RAP1A: variants seen among roughly 807,000 people sequenced by gnomAD.
The protein encoded by RAP1A is RAP1A, member of RAS oncogene family.
A neutral mutation model predicts 26.4 loss-of-function variants in RAP1A; 6 were observed. The observed-to-expected ratio is 0.23, with a 90% CI of 0.12 to 0.45. The LOEUF is 0.45. Among genes scored for constraint, RAP1A ranks in the 20% least tolerant of loss-of-function variants. The pLI, the probability that RAP1A is intolerant of heterozygous loss-of-function variation, is 0.99. For synonymous variants in RAP1A, 73 were observed against 79.4 expected (o/e 0.92, Z 0.43); for missense variants, 121 against 217.2 (o/e 0.56, Z 2.78).
At chr1:111,663,656 G>A (rs913486397) in intron 1 of RAP1A, among the ~76,000 whole-genome samples, 5 of 152,122 alleles carry the variant, frequency 3.3e-5, no homozygotes, top group Non-Finnish European at 5.9e-5. Context: ...TTGAATTACC[G>A]AATATAGTGG....
At chr1:111,684,858 T>C (rs957142368) in intron 1 of RAP1A, among the ~76,000 whole-genome samples, 9 of 151,618 alleles carry the variant, frequency 5.9e-5, no homozygotes, top group Non-Finnish European at 1.3e-4. Flanking sequence ...AAGCTGGAGG[T>C]ATCACACTAC....
chr1:111,677,424 T>C (rs1167339999), intron 1 of RAP1A, among the ~76,000 whole-genome samples: 2 of 152,240 alleles, frequency 1.3e-5, no homozygotes, highest in African/African-American at 4.8e-5. Context: ...ACCCAAATTT[T>C]ATTGGCTTAA....
intron 1 of RAP1A, among the ~76,000 whole-genome samples, chr1:111,605,496 G>A (rs1262693186): frequency 6.6e-6 from 1 of 152,170 alleles, no homozygotes; most frequent in Admixed American, 6.5e-5. Context: ...GACAATGGGT[G>A]GACTGAATTT....
intron 1 of RAP1A, among the ~76,000 whole-genome samples, chr1:111,595,703 T>G (rs1469613631): frequency 6.6e-6 from 1 of 152,214 alleles, no homozygotes; most frequent in Non-Finnish European, 1.5e-5. Flanking sequence ...CAGAGAGAGT[T>G]GGCACCAGTG....
chr1:111,590,216 T>G (rs538637496), intron 1 of RAP1A, among the ~76,000 whole-genome samples: 102 of 152,372 alleles, frequency 6.7e-4, no homozygotes, highest in African/African-American at 2.4e-3. Context: ...ACATTGATTG[T>G]GAATACTGTA....
At chr1:111,588,607 C>A (rs1571485520) in intron 1 of RAP1A, among the ~76,000 whole-genome samples, 2 of 152,112 alleles carry the variant, frequency 1.3e-5, no homozygotes, top group South Asian at 2.1e-4. Flanking sequence ...ATGTTTCATG[C>A]CCCTGAGACT....
chr1:111,700,999 T>A (rs1662005478), intron 4 of RAP1A, among the ~76,000 whole-genome samples: 2 of 152,186 alleles, frequency 1.3e-5, no homozygotes, highest in African/African-American at 4.8e-5. Flanking sequence ...CTGCTTCTCT[T>A]CTTCACCCCC....
intron 1 of RAP1A, among the ~76,000 whole-genome samples, chr1:111,650,093 C>CTTTTTTTTTT (rs57681662): frequency 1.1e-3 from 85 of 75,840 alleles, no homozygotes; most frequent in Non-Finnish European, 1.3e-3. Context: ...TGGTAGAGTG[C>CTTTTTTTTTT]TTTTTTTTTT....
chr1:111,579,005 C>A (rs75803390), intron 1 of RAP1A, among the ~76,000 whole-genome samples: 4,484 of 152,258 alleles, frequency 0.029, 195 homozygotes, highest in African/African-American at 0.091. Flanking sequence ...AACAGCCAGA[C>A]GAAGAGAAGC....
intron 1 of RAP1A, among the ~76,000 whole-genome samples, chr1:111,561,805 G>A (rs1229875336): frequency 2.0e-5 from 3 of 152,124 alleles, no homozygotes; most frequent in Admixed American, 2.0e-4. Context: ...CATTCTGTCA[G>A]AAGTATGTCT....
At chr1:111,652,379 C>G (rs1454221267) in intron 1 of RAP1A, among the ~76,000 whole-genome samples, 1 of 152,132 alleles carries the variant, frequency 6.6e-6, no homozygotes, top group South Asian at 2.1e-4. Context: ...ACAGCAAAGG[C>G]AAGGCTAATT....
chr1:111,710,564 C>T (rs891797070), intron 7 of RAP1A, among the ~76,000 whole-genome samples: 2 of 152,216 alleles, frequency 1.3e-5, no homozygotes. Context: ...AAGTTGGTTA[C>T]ACTAACTCTT....
chr1:111,712,010 A>T (rs1662400051), intron 7 of RAP1A, among the ~76,000 whole-genome samples: 1 of 152,196 alleles, frequency 6.6e-6, no homozygotes, highest in Non-Finnish European at 1.5e-5. Context: ...AAATGCTTGA[A>T]TAAAGAATAT....
intron 1 of RAP1A, among the ~76,000 whole-genome samples, chr1:111,688,000 C>G (rs1661539002): frequency 8.2e-6 from 1 of 121,826 alleles, no homozygotes; most frequent in African/African-American, 3.2e-5. Context: ...GTACTCCAGC[C>G]TGGGCAACAG....
intron 1 of RAP1A, among the ~76,000 whole-genome samples, chr1:111,670,013 TAAAGC>T (rs1660924218): frequency 6.6e-6 from 1 of 152,036 alleles, no homozygotes. Flanking sequence ...AAATAACTAT[TAAAGC>T]TAAAATATCC....
chr1:111,607,416 T>C (rs1658807843), intron 1 of RAP1A, among the ~76,000 whole-genome samples: 1 of 152,248 alleles, frequency 6.6e-6, no homozygotes, highest in African/African-American at 2.4e-5. Flanking sequence ...TACCTCTTTC[T>C]ACACAGACAC....
intron 1 of RAP1A, among the ~76,000 whole-genome samples, chr1:111,685,102 A>C (rs1228595392): frequency 6.6e-6 from 1 of 152,196 alleles, no homozygotes; most frequent in Admixed American, 6.5e-5. Context: ...CTCATTCCTT[A>C]CACCTCATAT....
At chr1:111,560,435 C>G (rs1183441139) in intron 1 of RAP1A, among the ~76,000 whole-genome samples, 1 of 126,892 alleles carries the variant, frequency 7.9e-6, no homozygotes, top group African/African-American at 3.8e-5. Flanking sequence ...CTTTGTGGAA[C>G]AGATTGAAAG....
intron 1 of RAP1A, among the ~76,000 whole-genome samples, chr1:111,666,463 A>T (rs1660798368): frequency 6.6e-6 from 1 of 152,204 alleles, no homozygotes; most frequent in South Asian, 2.1e-4. Flanking sequence ...GAATTAGATT[A>T]AAAACTCCTT....
Sources: gnomAD v4.1 joint callset for allele counts (sites outside exome capture counted in the v4.1 genomes callset) on GRCh38, gnomAD v4.1.1 for gene constraint, MANE v1.5 for transcripts, NCBI Gene and HGNC (gene_info 2026-07-23, HGNC 2026-07-21) for gene names.